Variants in C5orf34 observed in about 807,000 individuals in gnomAD.
C5orf34 encodes uncharacterized protein C5orf34.
A neutral mutation model predicts 78.4 loss-of-function variants in C5orf34; 73 were observed. The ratio of observed to expected loss-of-function variants is 0.93; its 90% CI spans 0.77 to 1.13. C5orf34 has a LOEUF of 1.13. C5orf34 is among the 50% of genes most tolerant of loss of function. C5orf34 has a pLI of 0.00. For missense variants in C5orf34, 730 were observed against 732.7 expected (o/e 1.00, Z 0.04); for synonymous variants, 251 against 246.6 (o/e 1.02, Z -0.17).
Position 43,509,387 on chromosome 5 carries a change from A to G in C5orf34, c.-36-12T>C. The G allele has an allele frequency of 6.9e-7, 1 of 1,446,114 alleles. No individual in the cohort carries two copies. The highest frequency in any genetic ancestry group is 9.4e-7 in the Non-Finnish European group (1 of 1,066,878). The allele number at this position is 1,446,114 out of a possible 1,614,324, so 89.6% of individuals were successfully genotyped here. A position where few individuals can be genotyped will look rare whatever the true frequency, so the allele number is the denominator to read the frequency against. On this transcript the variant is annotated splice_polypyrimidine_tract_variant and intron_variant, in intron 1 of 12. Coordinates refer to ENST00000306862, the MANE Select transcript of C5orf34 (RefSeq NM_198566.4). ...TTCTAAGTCAAAGACTGAATGAAAT[A>G]GGAAAAACAACAGCATAAATAGTTC...
chr5:43,498,748 C>G (rs1250608596), intron 6 of C5orf34, among the ~76,000 whole-genome samples: 1 of 152,190 alleles, frequency 6.6e-6, no homozygotes, highest in Non-Finnish European at 1.5e-5. Context: ...TCATCTTCCT[C>G]TGAAATAATC....
chr5:43,494,961 T>A lies in C5orf34; in HGVS notation c.1153-360A>T, dbSNP rs1232443543. On this transcript the variant is annotated intron_variant, in intron 6 of 12. Transcript: ENST00000306862. ...CTGAAGGTTTTACGATGCATTGTTA[T>A]CATTAACCAGTCTTTCACTACTAAA... 1.4e-5 allele frequency: 12 copies of A among 870,936 alleles called. No individual in the cohort carries two copies. In the Admixed American group the frequency reaches 1.5e-4, roughly 11 times the overall value. 54.0% of individuals were successfully genotyped at this position (870,936 alleles called of 1,614,324 possible).
chr5:43,499,632 T>C (rs1034574055), intron 6 of C5orf34, among the ~76,000 whole-genome samples: 48 of 152,192 alleles, frequency 3.2e-4, no homozygotes, highest in African/African-American at 7.7e-4. Context: ...GGATCCTTAC[T>C]TGTGCTTGTG....
intron 4 of C5orf34, 21 bp from the exon 5 acceptor site, chr5:43,503,781 G>A: frequency 6.7e-7 from 1 of 1,485,084 alleles, no homozygotes; most frequent in East Asian, 2.3e-5. Flanking sequence ...TAAAATACAA[G>A]CTATTACTTC....
At chr5:43,513,766 G>C (rs1156313905) in intron 1 of C5orf34, among the ~76,000 whole-genome samples, 1 of 152,170 alleles carries the variant, frequency 6.6e-6, no homozygotes, top group Non-Finnish European at 1.5e-5. Flanking sequence ...CAGCACAAAT[G>C]TAACTCCTAC....
At chr5:43,495,407 C>T (rs777349972) in intron 6 of C5orf34, 276 of 1,611,698 alleles carry the variant, frequency 1.7e-4, no homozygotes, top group Non-Finnish European at 2.2e-4. Context: ...GCTTATTTGG[C>T]CTGGATGGTT....
chr5:43,506,445 A>AT, intron 3 of C5orf34, 51 bp from the exon 4 acceptor site: 4 of 1,487,172 alleles, frequency 2.7e-6, no homozygotes, highest in Non-Finnish European at 3.6e-6. Flanking sequence ...TAACAGTCCA[A>AT]TTTTTCCATA....
chr5:43,506,522 G>A, intron 3 of C5orf34, 128 bp from the exon 4 acceptor site: 3 of 880,842 alleles, frequency 3.4e-6, no homozygotes, highest in Middle Eastern at 3.6e-4. Context: ...TACAGAGAAT[G>A]AAAAAATGGA....
Position 43,503,659 on chromosome 5 carries a change from C to G in C5orf34, c.1028+6G>C. 1 of 1,569,548 alleles carries G rather than the reference C, an allele frequency of 6.4e-7. No homozygotes were observed. The highest frequency in any genetic ancestry group is 8.8e-7 in the Non-Finnish European group (1 of 1,139,556). On this transcript the variant is annotated splice_donor_region_variant and intron_variant, in intron 5 of 12. Coordinates refer to ENST00000306862, the MANE Select transcript of C5orf34 (RefSeq NM_198566.4). Reference sequence around the variant, plus strand: ...TCCAACATAGAAGCCAACATAGGTGCCTTACCTATATGTAACACCTTTGTA... The same window carrying G: ...TCCAACATAGAAGCCAACATAGGTGGCTTACCTATATGTAACACCTTTGTA...
intron 8 of C5orf34, 74 bp downstream of exon 8, chr5:43,493,465 CTGTT>C (rs1745366825): frequency 8.2e-6 from 7 of 852,276 alleles, no homozygotes; most frequent in South Asian, 1.6e-5. Context: ...TAGAGGAAAA[CTGTT>C]TGAACTCAGA....
At chr5:43,493,520 C>T in intron 8 of C5orf34, 23 bp downstream of exon 8, 1 of 1,352,054 alleles carries the variant, frequency 7.4e-7, no homozygotes, top group Non-Finnish European at 1.0e-6. Context: ...AAATATCTTG[C>T]TTTTAAAATA....
intron 12 of C5orf34, 75 bp downstream of exon 12, chr5:43,487,834 G>T: frequency 9.1e-7 from 1 of 1,095,328 alleles, no homozygotes; most frequent in Non-Finnish European, 1.4e-6. Context: ...TATTCACAAA[G>T]TACTGAAGTC....
intron 6 of C5orf34, chr5:43,495,978 G>T: frequency 6.3e-7 from 1 of 1,590,972 alleles, no homozygotes; most frequent in Non-Finnish European, 8.5e-7. Context: ...TGGCTGTAGG[G>T]TGGCTCAGTG....
chr5:43,505,223 C>T (rs1256993738), intron 4 of C5orf34, among the ~76,000 whole-genome samples: 1 of 152,252 alleles, frequency 6.6e-6, no homozygotes, highest in Non-Finnish European at 1.5e-5. Context: ...ACAGAAGCCA[C>T]TCCGTGTGTA....
At chr5:43,495,687 C>T (rs1324967766) in intron 6 of C5orf34, 3 of 1,582,576 alleles carry the variant, frequency 1.9e-6, no homozygotes, top group Non-Finnish European at 2.6e-6. Context: ...GTACCAATAC[C>T]ACCAATTTTG....
chr5:43,507,696 GA>G (rs1190712466), intron 3 of C5orf34, among the ~76,000 whole-genome samples: 1 of 152,210 alleles, frequency 6.6e-6, no homozygotes, highest in East Asian at 1.9e-4. Context: ...GAGTCAGATA[GA>G]CTAGGTTCAA....
chr5:43,507,141 A>T (rs1450763552), intron 3 of C5orf34, among the ~76,000 whole-genome samples: 1 of 152,242 alleles, frequency 6.6e-6, no homozygotes, highest in African/African-American at 2.4e-5. Flanking sequence ...ACTTTAAAAA[A>T]GTTTAATTAC....
intron 6 of C5orf34, among the ~76,000 whole-genome samples, chr5:43,496,786 A>G (rs370278101): frequency 4.0e-5 from 6 of 151,824 alleles, no homozygotes; most frequent in African/African-American, 1.5e-4. Context: ...AGGTCTTACT[A>G]TATTACCCAG....
At chr5:43,500,829 T>A (rs1293533030) in intron 6 of C5orf34, among the ~76,000 whole-genome samples, 2 of 152,234 alleles carry the variant, frequency 1.3e-5, no homozygotes, top group African/African-American at 4.8e-5. Flanking sequence ...TCTTCTATAT[T>A]TTCTTCTAAC....
Sources: allele counts gnomAD v4.1 joint callset (sites outside exome capture counted in the v4.1 genomes callset), GRCh38; gene constraint gnomAD v4.1.1; transcripts MANE v1.5; gene names NCBI Gene and HGNC (gene_info 2026-07-23, HGNC 2026-07-21).